Variants in SLC9A6 observed in about 807,000 individuals in gnomAD.
The protein encoded by SLC9A6 is sodium/hydrogen exchanger 6.
A neutral mutation model predicts 45.3 loss-of-function variants in SLC9A6; 6 were observed. The observed-to-expected ratio is 0.13, with a 90% confidence interval of 0.07 to 0.26. SLC9A6 has a LOEUF of 0.26. SLC9A6 is among the 10% of genes least tolerant of loss of function. SLC9A6 has a pLI of 1.00. For missense variants in SLC9A6, 278 were observed against 503.7 expected, an observed-to-expected ratio of 0.55 and a Z score of 4.29; for synonymous variants, 191 against 187.7, an observed-to-expected ratio of 1.02 and a Z score of -0.14.
chrX:136,038,988 GA>G (rs1164941729), intron 16 of SLC9A6, among the ~76,000 whole-genome samples: 3 of 110,547 alleles, frequency 2.7e-5, no homozygotes, highest in Non-Finnish European at 5.7e-5. Flanking sequence ...TCTTTACTTA[GA>G]ATTTATTAAT....
At chrX:136,038,310 TTTC>T (rs1238152072) in intron 16 of SLC9A6, among the ~76,000 whole-genome samples, 1 of 111,136 alleles carries the variant, frequency 9.0e-6, no homozygotes, top group Non-Finnish European at 1.9e-5. Context: ...TGTTTATATT[TTTC>T]TTCTTTAATC....
chrX:136,029,279 G>A (rs1361731744), intron 14 of SLC9A6, among the ~76,000 whole-genome samples: 1 of 110,674 alleles, frequency 9.0e-6, no homozygotes, highest in African/African-American at 3.3e-5. Flanking sequence ...GTGGGGTGGG[G>A]ATGCTAGTTT....
Position 135,997,389 on chromosome X carries a change from A to G in SLC9A6, c.370-719A>G, listed in dbSNP as rs782449630. Among the ~76,000 whole-genome samples, 39 of 90,069 alleles carry G rather than the reference A, an allele frequency of 4.3e-4. 2 individuals carry two copies. The South Asian group carries it at 0.02, about 47-fold the overall frequency. The allele number at this position is 90,069 out of a possible 115,157, so 78.2% of individuals were successfully genotyped here. A position where few individuals can be genotyped will look rare whatever the true frequency, so the allele number is the denominator to read the frequency against. On this transcript the variant is annotated intron_variant, in intron 3 of 17. Coordinates refer to ENST00000630721, the MANE Select transcript of SLC9A6 (RefSeq NM_001379110.1). Reference sequence around the variant, plus strand: ...TTTATTTAAAGCGAAAGTAATGTTCATGCTTTCTCTTTTTTTTTTTTTTTT... The same window carrying G: ...TTTATTTAAAGCGAAAGTAATGTTCGTGCTTTCTCTTTTTTTTTTTTTTTT...
chrX:136,033,371 A>G (rs1556621376), intron 15 of SLC9A6, 43 bp from the exon 16 acceptor site: 2 of 846,274 alleles, frequency 2.4e-6, no homozygotes, highest in South Asian at 2.0e-5. Context: ...ATAAATGTTC[A>G]TATCTTTGTA....
chrX:136,026,985 A>G (rs1249194383), intron 13 of SLC9A6, among the ~76,000 whole-genome samples: 7 of 111,660 alleles, frequency 6.3e-5, no homozygotes, highest in African/African-American at 2.3e-4. Context: ...ACATGCTACA[A>G]TGCATAGGAC....
chrX:136,029,970 G>A, intron 14 of SLC9A6, 162 bp from the exon 15 acceptor site: 1 of 497,833 alleles, frequency 2.0e-6, no homozygotes, highest in Admixed American at 3.0e-5. Flanking sequence ...AAGGAAAGTG[G>A]CAGGAGCCAA....
At chrX:135,994,688 A>G (rs1322924513) in intron 2 of SLC9A6, 98 bp from the exon 3 acceptor site, 2 of 773,193 alleles carry the variant, frequency 2.6e-6, no homozygotes, top group Non-Finnish European at 4.0e-6. Context: ...GCTACAGGGA[A>G]CTACCGTAAG....
At chrX:136,024,830 C>T (rs1280391636) in intron 13 of SLC9A6, among the ~76,000 whole-genome samples, 1 of 111,042 alleles carries the variant, frequency 9.0e-6, no homozygotes, top group Non-Finnish European at 1.9e-5. Flanking sequence ...CTGCATATGT[C>T]CTGATTTACT....
intron 13 of SLC9A6, among the ~76,000 whole-genome samples, chrX:136,025,949 C>G (rs1334616942): frequency 9.0e-6 from 1 of 111,424 alleles, no homozygotes; most frequent in Non-Finnish European, 1.9e-5. Context: ...AATGTAAGAA[C>G]AAACCAAACA....
chrX:135,980,763 C>A (rs1389594020), upstream of SLC9A6, among the ~76,000 whole-genome samples: 2 of 111,366 alleles, frequency 1.8e-5, no homozygotes, highest in African/African-American at 6.5e-5. Flanking sequence ...CACTATGTTG[C>A]CCAGGCTGGT....
intron 7 of SLC9A6, among the ~76,000 whole-genome samples, chrX:136,003,985 C>T (rs1470806439): frequency 1.9e-5 from 2 of 107,865 alleles, no homozygotes; most frequent in Admixed American, 2.0e-4. Context: ...TATTTTTTAT[C>T]TAATTATAGA....
In SLC9A6 at chrX:136,045,426, C is replaced by T. The variant is rs1556623418; in HGVS notation, c.*702C>T. On this transcript the variant is annotated 3_prime_UTR_variant, in exon 18 of 18. Transcript: ENST00000630721. ...TCCAGACCAAGACCGTAGAAGGAGT[C>T]ACATCTAGCCGGCTTAGCCAAAGTA... The T allele has an allele frequency of 1.8e-5, 2 of 112,205 alleles. No homozygotes were observed. The highest frequency in any genetic ancestry group is 6.5e-5 in the African/African-American group (2 of 30,642). The allele number at this position is 112,205 out of a possible 1,213,427, so 9.2% of individuals were successfully genotyped here.
chrX:135,982,516 C>T (rs1330167452), upstream of SLC9A6, among the ~76,000 whole-genome samples: 3 of 107,142 alleles, frequency 2.8e-5, no homozygotes, highest in African/African-American at 1.0e-4. Context: ...CAAAGTCTCA[C>T]TCTGTCACCC....
chrX:136,040,018 C>T, intron 16 of SLC9A6, 58 bp from the exon 17 acceptor site: 2 of 938,764 alleles, frequency 2.1e-6, no homozygotes, highest in Non-Finnish European at 3.0e-6. Flanking sequence ...TATTATCAAA[C>T]GAGTTGCTCT....
chrX:136,041,542 T>C (rs2071511274), intron 17 of SLC9A6, among the ~76,000 whole-genome samples: 1 of 111,260 alleles, frequency 9.0e-6, no homozygotes, highest in Non-Finnish European at 1.9e-5. Flanking sequence ...CTCTCAAACA[T>C]TGTCTCCATT....
chrX:136,037,738 T>C (rs1371214881), intron 16 of SLC9A6, among the ~76,000 whole-genome samples: 7 of 111,156 alleles, frequency 6.3e-5, no homozygotes, highest in Admixed American at 9.5e-5. Flanking sequence ...GCCCAGCTAA[T>C]TTTTTGTATT....
chrX:136,026,068 C>G (rs2071220736), intron 13 of SLC9A6, among the ~76,000 whole-genome samples: 1 of 112,340 alleles, frequency 8.9e-6, no homozygotes, highest in Non-Finnish European at 1.9e-5. Flanking sequence ...CGCATAGTGC[C>G]TGTCCTGTAA....
In SLC9A6 at chrX:136,013,362, A is replaced by G. The variant is rs782706500; in HGVS notation, c.1005A>G (p.Val335=). The G allele has an allele frequency of 8.3e-6, 10 of 1,203,629 alleles. No individual in the cohort carries two copies. In the African/African-American group the frequency reaches 8.8e-5, roughly 11 times the overall value. ...EAWGFTGVVA[V]LFCGITQAHY... ...TTGTCTTTATAGGTGTAGTTGCAGT[A>G]TTGTTTTGTGGCATCACACAAGCAC... The change falls in exon 10 of 18, where the codon GTA becomes GTG. Residue 335 remains valine, a synonymous_variant. Coordinates refer to ENST00000630721, the MANE Select transcript of SLC9A6 (RefSeq NM_001379110.1).
At chrX:136,039,424 A>AT (rs1410457324) in intron 16 of SLC9A6, among the ~76,000 whole-genome samples, 1 of 107,847 alleles carries the variant, frequency 9.3e-6, no homozygotes, top group African/African-American at 3.4e-5. Flanking sequence ...GTCTATTTTT[A>AT]TTTTTTGGCA....
Sources: gnomAD v4.1 joint callset for allele counts (sites outside exome capture counted in the v4.1 genomes callset) on GRCh38, gnomAD v4.1.1 for gene constraint, MANE v1.5 for transcripts, NCBI Gene and HGNC (gene_info 2026-07-23, HGNC 2026-07-21) for gene names.